DCDC1: variants seen among roughly 807,000 people sequenced by gnomAD.
The protein encoded by DCDC1 is doublecortin domain-containing protein 1.
DCDC1 carries 200 observed loss-of-function variants against 178.3 expected under a neutral mutation model. The observed-to-expected ratio is 1.12, with a 90% CI of 1.00 to 1.26. The LOEUF is 1.26. Among genes scored for constraint, DCDC1 ranks in the 50% most tolerant of loss-of-function variants. The pLI is 0.00. For synonymous variants in DCDC1, 690 were observed against 604.8 expected, an observed-to-expected ratio of 1.14 and a Z score of -2.07; for missense variants, 1,983 against 1,749.2, an observed-to-expected ratio of 1.13 and a Z score of -2.38.
intron 37 of DCDC1, 94 bp from the exon 38 acceptor site, chr11:30,878,805 C>T: frequency 8.0e-7 from 1 of 1,249,082 alleles, no homozygotes; most frequent in East Asian, 2.7e-5. Flanking sequence ...GAAGACCCCT[C>T]ACAAATCCTT....
intron 20 of DCDC1, among the ~76,000 whole-genome samples, chr11:31,054,283 G>A (rs1446754171): frequency 6.8e-6 from 1 of 147,708 alleles, no homozygotes; most frequent in African/African-American, 2.5e-5. Context: ...ACCTAACCAA[G>A]GAGGCAAAAG....
chr11:31,011,729 A>C (rs1427571578), intron 20 of DCDC1, among the ~76,000 whole-genome samples: 1 of 152,216 alleles, frequency 6.6e-6, no homozygotes, highest in Non-Finnish European at 1.5e-5. Context: ...AGGCTAGAGA[A>C]ACTCTTACAC....
chr11:31,212,636 G>A (rs2136546066), intron 9 of DCDC1, among the ~76,000 whole-genome samples: 1 of 152,110 alleles, frequency 6.6e-6, no homozygotes, highest in East Asian at 1.9e-4. Flanking sequence ...AATCTATCAG[G>A]CTGACATGGG....
intron 9 of DCDC1, among the ~76,000 whole-genome samples, chr11:31,150,357 C>A (rs1408277280): frequency 6.6e-6 from 1 of 151,896 alleles, no homozygotes; most frequent in Admixed American, 6.6e-5. Flanking sequence ...AAAATAATGC[C>A]ATGAAATATT....
intron 18 of DCDC1, among the ~76,000 whole-genome samples, chr11:31,069,581 C>T (rs1019189848): frequency 5.3e-5 from 8 of 152,024 alleles, no homozygotes; most frequent in Admixed American, 4.6e-4. Context: ...AGTATCAGAA[C>T]ATTAAAAGAA....
intron 20 of DCDC1, among the ~76,000 whole-genome samples, chr11:31,007,131 T>A (rs1951890412): frequency 6.6e-6 from 1 of 152,208 alleles, no homozygotes; most frequent in South Asian, 2.1e-4. Flanking sequence ...CTTGAAAGGT[T>A]GTAGTCATCC....
chr11:31,069,830 C>A (rs1466837428), intron 18 of DCDC1, among the ~76,000 whole-genome samples: 4 of 152,132 alleles, frequency 2.6e-5, no homozygotes, highest in Non-Finnish European at 4.4e-5. Flanking sequence ...TGGGAAACTT[C>A]AATATATAAT....
intron 16 of DCDC1, among the ~76,000 whole-genome samples, chr11:31,092,082 C>G (rs1957853759): frequency 6.6e-6 from 1 of 152,138 alleles, no homozygotes; most frequent in Non-Finnish European, 1.5e-5. Flanking sequence ...TGAGTCAACA[C>G]AACATTTTTT....
At chr11:31,263,028 T>C in intron 8 of DCDC1, 1 of 1,611,154 alleles carries the variant, frequency 6.2e-7, no homozygotes. Flanking sequence ...TGAATCCGAA[T>C]GCCTCTGGCA....
chr11:31,187,645 G>A (rs1252536878), intron 9 of DCDC1, among the ~76,000 whole-genome samples: 1 of 152,066 alleles, frequency 6.6e-6, no homozygotes, highest in East Asian at 1.9e-4. Context: ...ACTTCACATA[G>A]CAGTATAAAA....
chr11:31,330,690 C>T (rs1239515127), intron 2 of DCDC1, among the ~76,000 whole-genome samples: 2 of 152,122 alleles, frequency 1.3e-5, no homozygotes, highest in Admixed American at 1.3e-4. Flanking sequence ...TCAGGTTTGT[C>T]AAAGATCAGA....
In DCDC1 at chr11:30,943,778, T is replaced by C. The variant is rs72882625; in HGVS notation, c.2715+8667A>G. ...ATCCCTAGATATATTAAATGCTGTT[T>C]GTTCATAAAAATATTATCAATTGCC... On this transcript the variant is annotated intron_variant, in intron 21 of 38. Coordinates refer to ENST00000684477, the MANE Select transcript of DCDC1 (RefSeq NM_001387274.1). 2,433 of 331,634 alleles carry C rather than the reference T, an allele frequency of 7.3e-3. 23 individuals are homozygous for C. The highest frequency in any genetic ancestry group is 0.011 in the Non-Finnish European group (1,824 of 167,712). 20.5% of individuals were successfully genotyped at this position (331,634 alleles called of 1,614,324 possible). A position where few individuals can be genotyped will look rare whatever the true frequency, so the allele number is the denominator to read the frequency against.
At chr11:30,890,610 T>C (rs1007564800) in intron 36 of DCDC1, among the ~76,000 whole-genome samples, 2 of 152,170 alleles carry the variant, frequency 1.3e-5, no homozygotes, top group Non-Finnish European at 2.9e-5. Flanking sequence ...CTTTTCCTTA[T>C]TAAAAAAATC....
Position 30,916,868 on chromosome 11 carries a change from A to G in DCDC1, c.3452+2T>C, listed in dbSNP as rs902496303. 7.5e-6 allele frequency: 12 copies of G among 1,595,912 alleles called. No homozygotes were observed. The highest frequency in any genetic ancestry group is 7.7e-6 in the Non-Finnish European group (9 of 1,172,452). On this transcript the variant is annotated splice_donor_variant, in intron 26 of 38. Transcript: ENST00000684477. LOFTEE classifies it high-confidence loss of function. ...TAAGAGGAATCCTTTGCAACTTTTTACCTGTGTTTCTTCTGTGGTTCCACA... is the reference window on the plus strand; with the variant it reads ...TAAGAGGAATCCTTTGCAACTTTTTGCCTGTGTTTCTTCTGTGGTTCCACA...
At chr11:30,903,857 T>C (rs570103427) in intron 31 of DCDC1, 174 bp from the exon 32 acceptor site, 1 of 521,430 alleles carries the variant, frequency 1.9e-6, no homozygotes, top group East Asian at 3.4e-5. Flanking sequence ...GGATATTAGA[T>C]TGTCCTACCT....
intron 9 of DCDC1, among the ~76,000 whole-genome samples, chr11:31,172,021 G>A (rs1967304806): frequency 1.3e-5 from 2 of 152,000 alleles, no homozygotes; most frequent in African/African-American, 2.4e-5. Flanking sequence ...ATTAAGAAAG[G>A]GAAATTGATA....
At position 30,878,500 on chromosome 11, in the gene DCDC1, A is replaced by C. The variant is rs748469921; in HGVS notation, c.*40+44T>G. 3.5e-4 allele frequency: 500 copies of C among 1,409,560 alleles called. 2 individuals are homozygous for C. Among genetic ancestry groups the C allele is most frequent in the South Asian group, 1.8e-3 (115 of 64,886 alleles). 87.3% of individuals were successfully genotyped at this position (1,409,560 alleles called of 1,614,324 possible). A position where few individuals can be genotyped will look rare whatever the true frequency, so the allele number is the denominator to read the frequency against. On this transcript the variant is annotated intron_variant, in intron 38 of 38. Transcript: ENST00000684477. ...TGCATGAAAATAAAAGAGATAAATAATCATAATGTCATAACAAACATGAGT... is the reference window on the plus strand; with the variant it reads ...TGCATGAAAATAAAAGAGATAAATACTCATAATGTCATAACAAACATGAGT...
chr11:31,076,060 T>C (rs1163798913), intron 18 of DCDC1, among the ~76,000 whole-genome samples: 1 of 152,186 alleles, frequency 6.6e-6, no homozygotes, highest in Non-Finnish European at 1.5e-5. Context: ...GGTTTCTCCA[T>C]GTTGGTCAGG....
At position 30,919,094 on chromosome 11, in the gene DCDC1, T is replaced by G. The variant is rs1946060036; in HGVS notation, c.3293+1682A>C. On this transcript the variant is annotated intron_variant, in intron 25 of 38. Coordinates refer to ENST00000684477, the MANE Select transcript of DCDC1 (RefSeq NM_001387274.1). ...ACAGTGACTTCCTGATATTAGATGA[T>G]TTAGGATTATTTCAGGATCATGTCA... 2.0e-5 allele frequency among the ~76,000 whole-genome samples: 3 copies of G among 152,096 alleles called. No homozygotes were observed. The South Asian group carries it at 6.2e-4, about 31-fold the overall frequency.
Sources: gnomAD v4.1 joint callset for allele counts (sites outside exome capture counted in the v4.1 genomes callset) on GRCh38, gnomAD v4.1.1 for gene constraint, MANE v1.5 for transcripts, NCBI Gene and HGNC (gene_info 2026-07-23, HGNC 2026-07-21) for gene names.